The following VSNL1 variants were observed in gnomAD, a reference collection of about 807,000 sequenced individuals.
VSNL1 encodes visinin like 1, also known as visinin-like protein 1.
In VSNL1, 6 loss-of-function variants were observed where a neutral mutation model predicts 20.4. That is an observed-to-expected ratio of 0.29 (90% confidence interval 0.16 to 0.58). VSNL1 has a LOEUF of 0.58. Ranked by LOEUF, VSNL1 falls within the 20% of genes least tolerant of loss-of-function variation. The pLI, the probability that VSNL1 is intolerant of heterozygous loss-of-function variation, is 0.90. For missense variants in VSNL1, 100 were observed against 234.5 expected (o/e 0.43, Z 3.75); for synonymous variants, 93 against 86.4 (o/e 1.08, Z -0.42).
chr2:17,649,877 C>G lies in VSNL1; in HGVS notation c.378+252C>G, dbSNP rs1047572428. ...CATTCACTCACTACTGGATCTCCCACGAACCTGTCTTACTGTGCACACAGG... is the reference window on the plus strand; with the variant it reads ...CATTCACTCACTACTGGATCTCCCAGGAACCTGTCTTACTGTGCACACAGG... On this transcript the variant is annotated intron_variant, in intron 3 of 3. Coordinates refer to ENST00000295156, the MANE Select transcript of VSNL1 (RefSeq NM_003385.5). This position sits in a 1 kb window ranked among gnomAD's most constrained non-coding sequence, Gnocchi z 6.4. 6.6e-6 allele frequency among the ~76,000 whole-genome samples: 1 copy of G among 152,176 alleles called. No individual in the cohort carries two copies. Among genetic ancestry groups the G allele is most frequent in the Non-Finnish European group, 1.5e-5 (1 of 68,032 alleles).
At chr2:17,546,542 C>A (rs2103335466) in intron 1 of VSNL1, among the ~76,000 whole-genome samples, 1 of 151,806 alleles carries the variant, frequency 6.6e-6, no homozygotes, top group Middle Eastern at 3.4e-3. Flanking sequence ...TTCAAGAGTT[C>A]TTGAAATAGT....
At chr2:17,615,320 A>T (rs1217472051) in intron 2 of VSNL1, among the ~76,000 whole-genome samples, 1 of 152,130 alleles carries the variant, frequency 6.6e-6, no homozygotes, top group African/African-American at 2.4e-5. Context: ...CACAACATGT[A>T]TGGAGTATCA....
At chr2:17,645,037 G>T (rs1196001212) in intron 2 of VSNL1, among the ~76,000 whole-genome samples, 2 of 152,284 alleles carry the variant, frequency 1.3e-5, no homozygotes, top group Non-Finnish European at 2.9e-5. Flanking sequence ...ACCTCTCCAA[G>T]ACTGTGAGCA....
At chr2:17,578,757 A>T (rs2103363120) in intron 1 of VSNL1, among the ~76,000 whole-genome samples, 1 of 152,352 alleles carries the variant, frequency 6.6e-6, no homozygotes, top group Middle Eastern at 3.4e-3. Context: ...TTCATGCACT[A>T]CAATAAAGTG....
At chr2:17,638,765 C>T (rs375280535) in intron 2 of VSNL1, among the ~76,000 whole-genome samples, 7 of 152,190 alleles carry the variant, frequency 4.6e-5, no homozygotes, top group African/African-American at 7.2e-5. Context: ...CCTTCTTGAC[C>T]GCTGAGGCAA....
chr2:17,597,550 A>G (rs141491181), intron 2 of VSNL1, among the ~76,000 whole-genome samples: 31 of 152,284 alleles, frequency 2.0e-4, no homozygotes, highest in African/African-American at 7.2e-4. Context: ...CTAGAGTCCA[A>G]TTTGATCATC....
chr2:17,552,113 T>C (rs1029135443), intron 1 of VSNL1, among the ~76,000 whole-genome samples: 12 of 145,572 alleles, frequency 8.2e-5, no homozygotes, highest in Non-Finnish European at 1.5e-4. Flanking sequence ...GGCAGGAGAA[T>C]GGCGTGAACC....
intron 2 of VSNL1, among the ~76,000 whole-genome samples, chr2:17,627,844 G>C (rs550061700): frequency 6.6e-6 from 1 of 152,296 alleles, no homozygotes; most frequent in African/African-American, 2.4e-5. Context: ...TTTGGTGGCT[G>C]GTGACCTTTC....
intron 2 of VSNL1, among the ~76,000 whole-genome samples, chr2:17,595,943 A>G (rs1439484497): frequency 6.6e-6 from 1 of 152,220 alleles, no homozygotes; most frequent in Non-Finnish European, 1.5e-5. Flanking sequence ...TGACTGCTGT[A>G]TAACGTTATA....
chr2:17,611,806 A>C (rs1665095698), intron 2 of VSNL1, among the ~76,000 whole-genome samples: 1 of 152,106 alleles, frequency 6.6e-6, no homozygotes, highest in Non-Finnish European at 1.5e-5. Context: ...GCTCCCCCAA[A>C]TGTCTCTCAT....
chr2:17,583,680 T>G (rs1664402407), intron 1 of VSNL1, among the ~76,000 whole-genome samples: 1 of 152,206 alleles, frequency 6.6e-6, no homozygotes, highest in Non-Finnish European at 1.5e-5. Flanking sequence ...ACTCAATGGT[T>G]GATGCTTAGT....
intron 2 of VSNL1, among the ~76,000 whole-genome samples, chr2:17,612,627 C>T (rs554590361): frequency 1.3e-5 from 2 of 152,250 alleles, no homozygotes; most frequent in African/African-American, 4.8e-5. Context: ...TTTTGATTCA[C>T]CTGATGGGGC....
At chr2:17,646,670 AGATT>A (rs1666004690) in intron 2 of VSNL1, among the ~76,000 whole-genome samples, 1 of 152,368 alleles carries the variant, frequency 6.6e-6, no homozygotes, top group African/African-American at 2.4e-5. Context: ...TATTATTTAT[AGATT>A]ATTACTGCCA....
chr2:17,655,154 C>T lies in VSNL1; in HGVS notation c.379-43C>T, dbSNP rs373068122. The stretch of plus-strand genomic sequence containing the variant: ...GAGGCAAGAAGAGCTCTCTGTCCTC[C>T]TGGGTTTCTGGTAATATCACCTACA... On this transcript the variant is annotated intron_variant, in intron 3 of 3. Coordinates refer to ENST00000295156, the MANE Select transcript of VSNL1 (RefSeq NM_003385.5). The surrounding 1 kb of genome is among the most constrained non-coding windows in gnomAD (Gnocchi z 5.2). 23 of 1,601,880 alleles carry T rather than the reference C, an allele frequency of 1.4e-5. No homozygotes were observed. The highest frequency in any genetic ancestry group is 2.7e-5 in the African/African-American group (2 of 74,496).
intron 1 of VSNL1, among the ~76,000 whole-genome samples, chr2:17,549,805 T>C (rs547763912): frequency 4.6e-5 from 7 of 152,340 alleles, no homozygotes; most frequent in Admixed American, 3.3e-4. Flanking sequence ...CCAAACCTGT[T>C]TGTACAGGAA....
intron 1 of VSNL1, among the ~76,000 whole-genome samples, chr2:17,584,227 C>T (rs566451420): frequency 6.8e-6 from 1 of 147,274 alleles, no homozygotes; most frequent in South Asian, 2.3e-4. Flanking sequence ...CAGAACCTGA[C>T]AAAAAGAAGG....
At chr2:17,546,550 A>G (rs940952941) in intron 1 of VSNL1, among the ~76,000 whole-genome samples, 39 of 152,028 alleles carry the variant, frequency 2.6e-4, no homozygotes, top group African/African-American at 9.2e-4. Context: ...TTCTTGAAAT[A>G]GTAAACGCTG....
chr2:17,590,970 T>A (rs1664581433), intron 1 of VSNL1, among the ~76,000 whole-genome samples: 1 of 152,202 alleles, frequency 6.6e-6, no homozygotes, highest in Non-Finnish European at 1.5e-5. Context: ...TTAATTTATG[T>A]GTTAATTCTT....
chr2:17,626,670 T>C (rs1365219359), intron 2 of VSNL1, among the ~76,000 whole-genome samples: 3 of 151,902 alleles, frequency 2.0e-5, no homozygotes, highest in Non-Finnish European at 2.9e-5. Context: ...TACACCTTTA[T>C]TAGACCCTAT....
Sources: allele counts gnomAD v4.1 joint callset (sites outside exome capture counted in the v4.1 genomes callset), GRCh38; gene constraint gnomAD v4.1.1; non-coding constraint Gnocchi (gnomAD v3.1); transcripts MANE v1.5; gene names NCBI Gene and HGNC (gene_info 2026-07-23, HGNC 2026-07-21).